NKAIN3: variants seen among roughly 807,000 people sequenced by gnomAD.
NKAIN3 encodes sodium/potassium transporting ATPase interacting 3.
Under a neutral mutation model 30.2 loss-of-function variants are expected in NKAIN3, and 25 were observed. The observed-to-expected ratio is 0.83, with a 90% confidence interval of 0.60 to 1.16. The LOEUF (loss-of-function observed/expected upper bound fraction) is 1.16. Ranked by LOEUF, NKAIN3 falls within the 50% of genes most tolerant of loss-of-function variation. NKAIN3 has a pLI of 0.00. For missense variants in NKAIN3, 225 were observed against 254.1 expected, an observed-to-expected ratio of 0.89 and a Z score of 0.78; for synonymous variants, 91 against 89.6, an observed-to-expected ratio of 1.02 and a Z score of -0.09.
chr8:62,445,380 T>G (rs138227982), intron 1 of NKAIN3, among the ~76,000 whole-genome samples: 1 of 152,024 alleles, frequency 6.6e-6, no homozygotes, highest in Non-Finnish European at 1.5e-5. Flanking sequence ...ATTTTCTTGG[T>G]TTTTTGCTGT....
downstream of NKAIN3, among the ~76,000 whole-genome samples, chr8:62,985,250 G>C (rs1026453373): frequency 6.6e-6 from 1 of 152,166 alleles, no homozygotes; most frequent in African/African-American, 2.4e-5. Context: ...CCCAAAACAG[G>C]AACTCGGCCT....
chr8:62,702,271 T>C (rs989235018), intron 3 of NKAIN3, among the ~76,000 whole-genome samples: 1 of 152,186 alleles, frequency 6.6e-6, no homozygotes. Flanking sequence ...TGTATTATAT[T>C]TGACATAAAT....
rs186048645 is a variant in NKAIN3, at chr8:62,844,174, G to T, written c.472-74279G>T. 3.0e-4 allele frequency among the ~76,000 whole-genome samples: 45 copies of T among 152,190 alleles called. No homozygotes were observed. In the East Asian group the frequency reaches 8.1e-3, roughly 27 times the overall value. ...ATTATTGGCCCGGTTGATGGAACAGGGCAACTTTGGCCTTAAATATTTTTT... is the reference window on the plus strand; with the variant it reads ...ATTATTGGCCCGGTTGATGGAACAGTGCAACTTTGGCCTTAAATATTTTTT... On this transcript the variant is annotated intron_variant, in intron 4 of 6. Coordinates refer to ENST00000623646, the MANE Select transcript of NKAIN3 (RefSeq NM_001304533.3).
At chr8:62,476,199 A>G (rs906558981) in intron 1 of NKAIN3, among the ~76,000 whole-genome samples, 6 of 152,204 alleles carry the variant, frequency 3.9e-5, no homozygotes, top group East Asian at 1.9e-4. Flanking sequence ...TGACCATGGC[A>G]TATATTTCAA....
intron 1 of NKAIN3, among the ~76,000 whole-genome samples, chr8:62,298,581 C>G (rs1813924455): frequency 6.6e-6 from 1 of 152,074 alleles, no homozygotes; most frequent in African/African-American, 2.4e-5. Flanking sequence ...GCCTTTTTTT[C>G]TGTGCTCCTA....
At chr8:62,680,338 C>T (rs1813611868) in intron 3 of NKAIN3, among the ~76,000 whole-genome samples, 2 of 152,162 alleles carry the variant, frequency 1.3e-5, no homozygotes, top group Admixed American at 1.3e-4. Flanking sequence ...CCAGCCAAAA[C>T]CATCTGTTTT....
intron 1 of NKAIN3, among the ~76,000 whole-genome samples, chr8:62,272,231 C>T (rs1308268000): frequency 6.6e-6 from 1 of 152,234 alleles, no homozygotes; most frequent in East Asian, 1.9e-4. Flanking sequence ...ATTCTTAACC[C>T]AGGGCAGCAT....
chr8:62,874,552 A>G (rs891091348), intron 4 of NKAIN3, among the ~76,000 whole-genome samples: 1 of 152,242 alleles, frequency 6.6e-6, no homozygotes. Context: ...ATGAACATCA[A>G]TGCAAAAATC....
chr8:62,910,388 C>T (rs564419287), intron 4 of NKAIN3, among the ~76,000 whole-genome samples: 109 of 152,242 alleles, frequency 7.2e-4, no homozygotes, highest in African/African-American at 2.5e-3. Context: ...TCTCATCCTA[C>T]TCCCAAACCT....
At chr8:62,620,605 AC>A (rs1811593191) in intron 3 of NKAIN3, among the ~76,000 whole-genome samples, 1 of 152,138 alleles carries the variant, frequency 6.6e-6, no homozygotes, top group South Asian at 2.1e-4. Context: ...ATTCTTTGAA[AC>A]CTATTAGCCA....
chr8:62,309,775 C>T (rs1814368413), intron 1 of NKAIN3, among the ~76,000 whole-genome samples: 1 of 150,378 alleles, frequency 6.6e-6, no homozygotes, highest in South Asian at 2.1e-4. Context: ...GTAGGAAGGA[C>T]TCTTAGATCT....
At chr8:62,501,147 C>G (rs1277430822) in intron 1 of NKAIN3, among the ~76,000 whole-genome samples, 1 of 151,988 alleles carries the variant, frequency 6.6e-6, no homozygotes, top group East Asian at 1.9e-4. Context: ...TATAATGTAA[C>G]CATATTATGT....
At position 62,969,717 on chromosome 8, in the gene NKAIN3, G is replaced by A. The variant is rs1306538607; in HGVS notation, c.*4310G>A. 2.0e-5 allele frequency among the ~76,000 whole-genome samples: 3 copies of A among 152,064 alleles called. No homozygotes were observed. The highest frequency in any genetic ancestry group is 2.9e-5 in the Non-Finnish European group (2 of 68,024). ...AAACTATAACAACTTGAATGCCTGC[G>A]GTTTTATTTCCATCTAATTTAAAAG... On this transcript the variant is annotated 3_prime_UTR_variant, in exon 7 of 7. Coordinates refer to ENST00000623646, the MANE Select transcript of NKAIN3 (RefSeq NM_001304533.3).
rs1166565244 is a variant in NKAIN3, at chr8:62,939,206, G to GA, written c.533-14689dup. Among the ~76,000 whole-genome samples, 16 of 151,986 alleles carry GA rather than the reference G, an allele frequency of 1.1e-4. No individual in the cohort carries two copies. The South Asian group carries it at 2.1e-3, about 20-fold the overall frequency. ...ATTAATCCAATCTAACAAAAACAAA[G>GA]AAAAAAATCAGAAAAAAATGAGTAA... is the stretch of plus-strand genomic sequence containing the variant. On this transcript the variant is annotated intron_variant, in intron 5 of 6. Transcript: ENST00000623646.
chr8:62,912,245 A>G (rs1232969867), intron 4 of NKAIN3, among the ~76,000 whole-genome samples: 1 of 152,198 alleles, frequency 6.6e-6, no homozygotes, highest in Admixed American at 6.5e-5. Flanking sequence ...CTGTATATTG[A>G]TAAGCACTTA....
chr8:62,394,874 G>GC (rs1817691873), intron 1 of NKAIN3, among the ~76,000 whole-genome samples: 1 of 134,966 alleles, frequency 7.4e-6, no homozygotes, highest in Non-Finnish European at 1.6e-5. Context: ...GGGCGGCCGG[G>GC]GGAGGCGCTC....
intron 1 of NKAIN3, among the ~76,000 whole-genome samples, chr8:62,576,947 TAG>T (rs1437891385): frequency 6.6e-6 from 1 of 152,142 alleles, no homozygotes; most frequent in African/African-American, 2.4e-5. Context: ...TTATGACATT[TAG>T]AGAGAAAATA....
intron 4 of NKAIN3, among the ~76,000 whole-genome samples, chr8:62,871,067 T>C (rs538664106): frequency 3.9e-5 from 6 of 152,158 alleles, no homozygotes; most frequent in African/African-American, 1.4e-4. Context: ...GATGTTTTGA[T>C]ATATGTACAC....
At position 62,801,678 on chromosome 8, in the gene NKAIN3, G is replaced by A. The variant is rs181137428; in HGVS notation, c.471+54549G>A. On this transcript the variant is annotated intron_variant, in intron 4 of 6. Coordinates refer to ENST00000623646, the MANE Select transcript of NKAIN3 (RefSeq NM_001304533.3). ...ACCACAAAGATGGGGAAAAAACAGAGCAGAAAAACTGGGAACTCTAAAGAG... is the reference window on the plus strand; with the variant it reads ...ACCACAAAGATGGGGAAAAAACAGAACAGAAAAACTGGGAACTCTAAAGAG... 4.6e-5 allele frequency among the ~76,000 whole-genome samples: 7 copies of A among 152,348 alleles called. No homozygotes were observed. In the East Asian group the frequency reaches 1.4e-3, roughly 29 times the overall value.
Sources: allele counts gnomAD v4.1 joint callset (sites outside exome capture counted in the v4.1 genomes callset), GRCh38; gene constraint gnomAD v4.1.1; transcripts MANE v1.5; gene names NCBI Gene and HGNC (gene_info 2026-07-23, HGNC 2026-07-21).